The following MCF2L2 variants were observed in gnomAD, a reference collection of about 807,000 sequenced individuals.
The protein encoded by MCF2L2 is MCF.2 cell line derived transforming sequence-like 2.
MCF2L2 carries 102 observed loss-of-function variants against 150.2 expected under a neutral mutation model. The observed-to-expected ratio is 0.68, with a 90% CI of 0.58 to 0.80. MCF2L2 has a LOEUF of 0.80. Among genes scored for constraint, MCF2L2 ranks in the 30% least tolerant of loss-of-function variants. MCF2L2 has a pLI of 0.00. For synonymous variants in MCF2L2, 465 were observed against 491.3 expected, an observed-to-expected ratio of 0.95 and a Z score of 0.71; for missense variants, 1,256 against 1,372.8, an observed-to-expected ratio of 0.91 and a Z score of 1.34.
At chr3:183,313,424 C>T (rs1460028138) in intron 7 of MCF2L2, among the ~76,000 whole-genome samples, 2 of 152,304 alleles carry the variant, frequency 1.3e-5, no homozygotes, top group Non-Finnish European at 2.9e-5. Context: ...GAAGGTGAAT[C>T]TTCACAAGTG....
intron 5 of MCF2L2, among the ~76,000 whole-genome samples, chr3:183,334,815 A>C (rs1238629946): frequency 2.7e-5 from 4 of 150,590 alleles, no homozygotes; most frequent in Non-Finnish European, 4.4e-5. Flanking sequence ...AAAAAAAGAC[A>C]AAGAAAGGGC....
chr3:183,390,639 A>T (rs993639065), intron 1 of MCF2L2, among the ~76,000 whole-genome samples: 6 of 152,234 alleles, frequency 3.9e-5, no homozygotes, highest in Admixed American at 3.9e-4. Flanking sequence ...TTAAAGAATA[A>T]ACTGGTGGCT....
intron 27 of MCF2L2, among the ~76,000 whole-genome samples, chr3:183,189,473 C>T (rs990541744): frequency 6.6e-6 from 1 of 152,174 alleles, no homozygotes; most frequent in Non-Finnish European, 1.5e-5. Context: ...CTGAGGCTTC[C>T]GCATAGTCTT....
At chr3:183,398,393 T>C (rs530053433) in intron 1 of MCF2L2, among the ~76,000 whole-genome samples, 77 of 152,276 alleles carry the variant, frequency 5.1e-4, no homozygotes, top group African/African-American at 1.7e-3. Context: ...CCTAAAACAC[T>C]GAGAGAAGAC....
chr3:183,234,687 CTTTTTT>C (rs71185647), intron 15 of MCF2L2, among the ~76,000 whole-genome samples: 3 of 84,248 alleles, frequency 3.6e-5, no homozygotes, highest in Admixed American at 1.3e-4. Flanking sequence ...ATGTATGACT[CTTTTTT>C]TTTTTTTTTT....
intron 27 of MCF2L2, among the ~76,000 whole-genome samples, chr3:183,184,755 C>A (rs963919289): frequency 2.6e-5 from 4 of 152,166 alleles, no homozygotes; most frequent in African/African-American, 9.7e-5. Context: ...ACTTTGAAGA[C>A]AAAATCATGG....
In MCF2L2 at chr3:183,193,852, C is replaced by T. The variant is rs73060072; in HGVS notation, c.2919-756G>A. ...TGCCTGAGCTAAACCTCATCACCCC[C>T]GGCCTTGCTTGCAGAGTGGTTTGCT... On this transcript the variant is annotated intron_variant, in intron 26 of 29. Coordinates refer to ENST00000328913, the MANE Select transcript of MCF2L2 (RefSeq NM_015078.4). 6.4e-3 allele frequency among the ~76,000 whole-genome samples: 982 copies of T among 152,290 alleles called. 10 individuals are homozygous for T. Among genetic ancestry groups the T allele is most frequent in the African/African-American group, 0.022 (935 of 41,558 alleles).
At chr3:183,222,921 G>A (rs1306632460) in intron 20 of MCF2L2, among the ~76,000 whole-genome samples, 1 of 152,156 alleles carries the variant, frequency 6.6e-6, no homozygotes, top group African/African-American at 2.4e-5. Context: ...ATTCTGTTAG[G>A]CTGCTCTCAG....
intron 27 of MCF2L2, among the ~76,000 whole-genome samples, chr3:183,191,523 G>C (rs1465019589): frequency 6.6e-6 from 1 of 152,126 alleles, no homozygotes; most frequent in Admixed American, 6.6e-5. Flanking sequence ...CCATCAGTGG[G>C]AATATGTTTC....
intron 19 of MCF2L2, among the ~76,000 whole-genome samples, chr3:183,223,774 A>T (rs1723245601): frequency 1.3e-5 from 2 of 152,234 alleles, no homozygotes; most frequent in Non-Finnish European, 2.9e-5. Flanking sequence ...GGGGGCTGCC[A>T]GAGTCTATTC....
At chr3:183,410,176 T>C (rs1715251743) in intron 1 of MCF2L2, among the ~76,000 whole-genome samples, 1 of 152,180 alleles carries the variant, frequency 6.6e-6, no homozygotes, top group Non-Finnish European at 1.5e-5. Flanking sequence ...TCTAAATCTT[T>C]TCCTTCCTTC....
At chr3:183,253,919 G>T (rs377110948) in intron 15 of MCF2L2, 2 of 152,238 alleles carry the variant, frequency 1.3e-5, no homozygotes, top group African/African-American at 4.8e-5. Context: ...TTCCTTTCCG[G>T]ATCGCTAAAT....
At chr3:183,182,844 C>T (rs545273277) in intron 27 of MCF2L2, among the ~76,000 whole-genome samples, 2 of 152,284 alleles carry the variant, frequency 1.3e-5, no homozygotes, top group African/African-American at 4.8e-5. Context: ...CAGGGTGCCC[C>T]GCCAGGGATG....
In MCF2L2 at chr3:183,283,146, C is replaced by A. The variant is rs906325423; in HGVS notation, c.1776+5974G>T. On this transcript the variant is annotated intron_variant, in intron 14 of 29. Transcript: ENST00000328913. This position sits in a 1 kb window ranked among gnomAD's most constrained non-coding sequence, Gnocchi z 4.2. ...CATTCTACACATTTTCTCTGATAGTCGTGTTCTAGCCACTAGGGAGAACGT... is the reference window on the plus strand; with the variant it reads ...CATTCTACACATTTTCTCTGATAGTAGTGTTCTAGCCACTAGGGAGAACGT... Among the ~76,000 whole-genome samples, 3 of 152,194 alleles carry A rather than the reference C, an allele frequency of 2.0e-5. No individual in the cohort carries two copies. Among genetic ancestry groups the A allele is most frequent in the Non-Finnish European group, 2.9e-5 (2 of 68,026 alleles).
intron 26 of MCF2L2, 113 bp downstream of exon 26, chr3:183,195,109 T>G (rs1358770942): frequency 3.2e-6 from 3 of 923,356 alleles, no homozygotes; most frequent in East Asian, 2.7e-5. Flanking sequence ...TGGAAATCCC[T>G]TGTAATAAGC....
Position 183,297,081 on chromosome 3 carries a change from G to A in MCF2L2, c.1392C>T (p.Ala464=), listed in dbSNP as rs1175184033. The change falls in exon 12 of 30, where the codon GCC becomes GCT. Residue 464 remains alanine, a synonymous_variant. Coordinates refer to ENST00000328913, the MANE Select transcript of MCF2L2 (RefSeq NM_015078.4). ...CCAGGAATGTCGCAATGTCGTTCAA[G>A]GCGATATCAACCCCTTCTCGAGACT... The part of the protein sequence containing the change: ...KCQSREGVDI[A]LNDIATFLGT... 1 of 1,614,082 alleles carries A rather than the reference G, an allele frequency of 6.2e-7. No individual in the cohort carries two copies. Among genetic ancestry groups the A allele is most frequent in the Non-Finnish European group, 8.5e-7 (1 of 1,180,036 alleles).
intron 27 of MCF2L2, among the ~76,000 whole-genome samples, chr3:183,190,543 C>A (rs1239624178): frequency 6.6e-6 from 1 of 152,252 alleles, no homozygotes; most frequent in East Asian, 1.9e-4. Flanking sequence ...AGAAGTCTAG[C>A]ATCAGCCTGA....
intron 12 of MCF2L2, chr3:183,296,698 T>C (rs1728523797): frequency 3.3e-6 from 1 of 300,400 alleles, no homozygotes; most frequent in Non-Finnish European, 6.2e-6. Context: ...CTATTTTTAA[T>C]CATCATGGTA....
chr3:183,391,724 G>A (rs1577117413), intron 1 of MCF2L2, among the ~76,000 whole-genome samples: 1 of 152,222 alleles, frequency 6.6e-6, no homozygotes, highest in Non-Finnish European at 1.5e-5. Flanking sequence ...CAAATTTTCT[G>A]TAATAAAATG....
Sources: allele counts gnomAD v4.1 joint callset (sites outside exome capture counted in the v4.1 genomes callset), GRCh38; gene constraint gnomAD v4.1.1; non-coding constraint Gnocchi (gnomAD v3.1); transcripts MANE v1.5; gene names NCBI Gene and HGNC (gene_info 2026-07-23, HGNC 2026-07-21).